Variants in CDKL4 observed in about 807,000 individuals in gnomAD.
CDKL4 encodes the protein cyclin-dependent kinase-like 4.
CDKL4 carries 44 observed loss-of-function variants against 42.0 expected under a neutral mutation model. The observed-to-expected ratio is 1.05, with a 90% CI of 0.82 to 1.35. CDKL4 has a LOEUF of 1.35. Among genes scored for constraint, CDKL4 ranks in the 40% most tolerant of loss-of-function variants. The pLI is 0.00. For synonymous variants in CDKL4, 120 were observed against 121.6 expected (o/e 0.99, Z 0.09); for missense variants, 393 against 369.9 (o/e 1.06, Z -0.51).
intron 3 of CDKL4, among the ~76,000 whole-genome samples, chr2:39,220,976 CTTTTTTTTTTTT>C (rs1157655136): frequency 1.6e-4 from 8 of 49,148 alleles, no homozygotes; most frequent in Admixed American, 1.0e-3. Context: ...CATCGACGAT[CTTTTTTTTTTTT>C]TTTTTTTTTT....
intron 1 of CDKL4, among the ~76,000 whole-genome samples, chr2:39,234,129 G>A (rs994468730): frequency 5.3e-5 from 8 of 151,728 alleles, no homozygotes; most frequent in South Asian, 2.1e-4. Context: ...TAGCCAGGAC[G>A]GTCTCGATCT....
chr2:39,234,114 T>C (rs1413908132), intron 1 of CDKL4, among the ~76,000 whole-genome samples: 2 of 151,946 alleles, frequency 1.3e-5, no homozygotes, highest in South Asian at 2.1e-4. Context: ...GGGGTTTCAC[T>C]GTGTTAGCCA....
intron 3 of CDKL4, among the ~76,000 whole-genome samples, chr2:39,218,543 G>T (rs1678090647): frequency 6.6e-6 from 1 of 152,172 alleles, no homozygotes; most frequent in Non-Finnish European, 1.5e-5. Flanking sequence ...GTGTCTGTGA[G>T]GGTGTTTCTG....
intron 9 of CDKL4, among the ~76,000 whole-genome samples, chr2:39,177,775 G>A (rs1471688426): frequency 2.0e-5 from 3 of 151,422 alleles, no homozygotes; most frequent in Non-Finnish European, 2.9e-5. Flanking sequence ...CTGCAACTCT[G>A]CCTCCCGGGT....
At chr2:39,173,812 C>CA (rs548800502), downstream of CDKL4, among the ~76,000 whole-genome samples, 2,132 of 95,204 alleles carry the variant, frequency 0.022, 83 homozygotes, top group African/African-American at 0.073. Context: ...GACTCCATCT[C>CA]AAAAAAAAAA....
downstream of CDKL4, among the ~76,000 whole-genome samples, chr2:39,173,659 A>T (rs986875105): frequency 1.3e-5 from 2 of 151,786 alleles, no homozygotes; most frequent in African/African-American, 4.8e-5. Context: ...AATACAAAAC[A>T]ATTAGTCGGG....
chr2:39,204,596 G>T, exon 5 of CDKL4: 2 of 1,577,748 alleles, frequency 1.3e-6, no homozygotes, highest in Non-Finnish European at 1.7e-6. Context: ...ATATTTTCAG[G>T]TTTTATATCT....
In CDKL4 at chr2:39,185,401, T is replaced by TATATATACAC. The variant is rs1558547496; in HGVS notation, c.736-755_736-754insGTGTATATAT. On this transcript the variant is annotated intron_variant, in intron 7 of 9. Transcript: ENST00000451199. ...ATGTATATATACATGTATATATACA[T>TATATATACAC]ATGTGTATATATACATATATATATA... Among the ~76,000 whole-genome samples the TATATATACAC allele has an allele frequency of 3.3e-3, 18 of 5,476 alleles. 5 individuals are homozygous for TATATATACAC. The highest frequency in any genetic ancestry group is 6.7e-3 in the African/African-American group (18 of 2,692). The allele number at this position is 5,476 out of a possible 152,430, so 3.6% of individuals were successfully genotyped here. A position where few individuals can be genotyped will look rare whatever the true frequency, so the allele number is the denominator to read the frequency against.
intron 9 of CDKL4, chr2:39,178,586 GAC>G (rs1675264432): frequency 6.4e-7 from 1 of 1,553,052 alleles, no homozygotes; most frequent in Non-Finnish European, 8.7e-7. Flanking sequence ...GCAAGTGAAG[GAC>G]AGTCACCTGA....
At chr2:39,207,066 G>C (rs1677242880) in intron 4 of CDKL4, among the ~76,000 whole-genome samples, 2 of 152,104 alleles carry the variant, frequency 1.3e-5, no homozygotes, top group African/African-American at 4.8e-5. Flanking sequence ...TCTCTTAAAA[G>C]TACTAAGGCC....
At chr2:39,169,257 T>C in the CDKL4 span, among the ~76,000 whole-genome samples, 4 of 152,226 alleles carry the variant, frequency 2.6e-5, no homozygotes, top group Non-Finnish European at 5.9e-5. Context: ...AAAACACACC[T>C]ATTTTATTTA....
At chr2:39,185,117 TATAC>T (rs1401836192) in intron 7 of CDKL4, among the ~76,000 whole-genome samples, 1 of 140,490 alleles carries the variant, frequency 7.1e-6, no homozygotes, top group African/African-American at 2.7e-5. Flanking sequence ...AATATATATA[TATAC>T]ACACACATAT....
At chr2:39,219,971 C>T (rs192118524) in intron 3 of CDKL4, among the ~76,000 whole-genome samples, 80 of 152,164 alleles carry the variant, frequency 5.3e-4, no homozygotes, top group East Asian at 1.9e-3. Flanking sequence ...CTAAAAGAAC[C>T]CCTTACTTCT....
intron 6 of CDKL4, among the ~76,000 whole-genome samples, chr2:39,189,882 A>C (rs1420403832): frequency 6.6e-6 from 1 of 152,220 alleles, no homozygotes; most frequent in Non-Finnish European, 1.5e-5. Flanking sequence ...AATATTTACC[A>C]TATAGCTTTT....
At chr2:39,241,208 G>T (rs1018028315) in intron 1 of CDKL4, among the ~76,000 whole-genome samples, 14 of 152,096 alleles carry the variant, frequency 9.2e-5, no homozygotes, top group African/African-American at 3.4e-4. Flanking sequence ...ACGGGTGAAG[G>T]GATCTGATGT....
At chr2:39,203,874 A>G (rs539267213) in intron 5 of CDKL4, among the ~76,000 whole-genome samples, 75 of 152,208 alleles carry the variant, frequency 4.9e-4, no homozygotes, top group African/African-American at 1.8e-3. Context: ...TTTTTGCCCA[A>G]CCCTTCCAAA....
downstream of CDKL4, among the ~76,000 whole-genome samples, chr2:39,174,392 C>G (rs1329000804): frequency 9.0e-6 from 1 of 111,368 alleles, no homozygotes; most frequent in African/African-American, 2.6e-5. Context: ...AGAGCAAGAC[C>G]CTGTCTCAAA....
chr2:39,207,315 G>A (rs1487977813), intron 4 of CDKL4, among the ~76,000 whole-genome samples: 1 of 152,166 alleles, frequency 6.6e-6, no homozygotes, highest in African/African-American at 2.4e-5. Flanking sequence ...TGCCCAGGAG[G>A]TGGAGGTTGC....
At chr2:39,180,674 A>G (rs1675387243) in intron 8 of CDKL4, among the ~76,000 whole-genome samples, 1 of 150,218 alleles carries the variant, frequency 6.7e-6, no homozygotes, top group Admixed American at 6.6e-5. Flanking sequence ...GGCTACAATC[A>G]GGAGAGAAAG....
Sources: allele counts gnomAD v4.1 joint callset (sites outside exome capture counted in the v4.1 genomes callset), GRCh38; gene constraint gnomAD v4.1.1; transcripts MANE v1.5; gene names NCBI Gene and HGNC (gene_info 2026-07-23, HGNC 2026-07-21).